Variants in AVEN observed in about 807,000 individuals in gnomAD.
The protein encoded by AVEN is cell death regulator Aven.
In AVEN, 41 loss-of-function variants were observed where a neutral mutation model predicts 38.1. That is an observed-to-expected ratio of 1.08 (90% CI 0.84 to 1.40). The LOEUF (loss-of-function observed/expected upper bound fraction) is 1.40, where lower values mean the gene tolerates loss of function less well. Among genes scored for constraint, AVEN ranks in the 40% most tolerant of loss-of-function variants. AVEN has a pLI of 0.00. For synonymous variants in AVEN, 206 were observed against 171.8 expected (o/e 1.20, Z -1.56); for missense variants, 605 against 438.8 (o/e 1.38, Z -3.38).
downstream of AVEN, chr15:33,864,103 C>G (rs1306278957): frequency 1.9e-6 from 3 of 1,539,468 alleles, no homozygotes; most frequent in African/African-American, 4.2e-5. Flanking sequence ...TGGGTCTTGA[C>G]CAGAGTATCT....
intron 2 of AVEN, among the ~76,000 whole-genome samples, chr15:33,901,995 G>A (rs903047947): frequency 1.3e-5 from 2 of 151,930 alleles, no homozygotes; most frequent in Non-Finnish European, 1.5e-5. Flanking sequence ...CTGGTTTTTT[G>A]TTTTGTTTGT....
At chr15:33,913,094 G>A (rs1211520871) in intron 2 of AVEN, among the ~76,000 whole-genome samples, 2 of 151,994 alleles carry the variant, frequency 1.3e-5, no homozygotes, top group South Asian at 4.2e-4. Flanking sequence ...TCTCCATGTT[G>A]GTCAGGCTGG....
chr15:33,892,665 CT>C (rs1485255901), intron 2 of AVEN, among the ~76,000 whole-genome samples: 1 of 151,984 alleles, frequency 6.6e-6, no homozygotes, highest in Non-Finnish European at 1.5e-5. Context: ...ATGCCTCCAG[CT>C]TTGTTCTTTT....
At chr15:33,876,433 G>A (rs1334028636) in intron 2 of AVEN, among the ~76,000 whole-genome samples, 2 of 142,366 alleles carry the variant, frequency 1.4e-5, no homozygotes, top group East Asian at 2.1e-4. Context: ...TTAGCTGGGC[G>A]TGGTGGCACG....
intron 2 of AVEN, among the ~76,000 whole-genome samples, chr15:33,897,779 G>C (rs918570857): frequency 3.3e-5 from 5 of 152,152 alleles, no homozygotes; most frequent in African/African-American, 1.2e-4. Context: ...CTACTTGAGA[G>C]GCTGAGGTAG....
At chr15:33,853,517 C>A in the AVEN span, 3 of 1,602,528 alleles carry the variant, frequency 1.9e-6, no homozygotes, top group African/African-American at 4.0e-5. Context: ...TTGGTGGTGG[C>A]GTGTGGCCTG....
exon 1 of AVEN, among the ~76,000 whole-genome samples, chr15:34,074,705 T>C (rs1900697273): frequency 6.6e-6 from 1 of 152,218 alleles, no homozygotes; most frequent in Non-Finnish European, 1.5e-5. Flanking sequence ...ATCTTACCTT[T>C]ATTACCTCCT....
chr15:33,931,495 A>C (rs1018882775), intron 2 of AVEN, among the ~76,000 whole-genome samples: 3 of 150,062 alleles, frequency 2.0e-5, no homozygotes, highest in Admixed American at 6.7e-5. Context: ...CTCAGCCTCC[A>C]GAGTTGCTGG....
intron 2 of AVEN, among the ~76,000 whole-genome samples, chr15:33,977,486 G>A (rs1242785327): frequency 6.6e-6 from 1 of 152,120 alleles, no homozygotes; most frequent in Non-Finnish European, 1.5e-5. Context: ...TTTGTTAGGA[G>A]GCTATGACAG....
At chr15:33,867,394 G>T in intron 5 of AVEN, 101 bp downstream of exon 5, 3 of 1,450,162 alleles carry the variant, frequency 2.1e-6, no homozygotes, top group Non-Finnish European at 2.8e-6. Flanking sequence ...CTGGATCAAT[G>T]TCAGACACCC....
downstream of AVEN, chr15:33,857,993 T>A: frequency 6.4e-7 from 1 of 1,566,862 alleles, no homozygotes; most frequent in Non-Finnish European, 8.7e-7. Context: ...GAAGAAGGGC[T>A]GTGTGGGGGT....
intron 4 of AVEN, among the ~76,000 whole-genome samples, chr15:33,869,361 G>A (rs1157858465): frequency 2.0e-5 from 3 of 152,134 alleles, no homozygotes; most frequent in African/African-American, 7.2e-5. Context: ...TTTAATGCCT[G>A]CCACTGACAT....
chr15:33,956,295 C>T (rs1334518883), intron 2 of AVEN, among the ~76,000 whole-genome samples: 2 of 152,212 alleles, frequency 1.3e-5, no homozygotes, highest in African/African-American at 4.8e-5. Context: ...TCCAATTCCC[C>T]TCAACTTGAA....
intron 2 of AVEN, among the ~76,000 whole-genome samples, chr15:33,905,130 CAAAAAAAAAAAAA>C (rs71117197): frequency 2.5e-5 from 3 of 121,290 alleles, no homozygotes; most frequent in African/African-American, 1.0e-4. Context: ...ACTCCGTCTC[CAAAAAAAAAAAAA>C]AAAAAAAAAA....
chr15:33,983,158 G>GTGTA (rs1373777751), intron 2 of AVEN, among the ~76,000 whole-genome samples: 58 of 136,324 alleles, frequency 4.3e-4, no homozygotes, highest in South Asian at 1.4e-3. Flanking sequence ...GTGTGTGTGT[G>GTGTA]TATGTGTGTG....
At chr15:33,855,175 G>T (rs182525503), downstream of AVEN, among the ~76,000 whole-genome samples, 4 of 152,024 alleles carry the variant, frequency 2.6e-5, no homozygotes, top group Non-Finnish European at 5.9e-5. Context: ...GGAGGGAGGT[G>T]ATGGACATGT....
intron 2 of AVEN, among the ~76,000 whole-genome samples, chr15:33,902,845 CTTAA>C (rs61345216): frequency 0.28 from 41,809 of 151,870 alleles, 5,984 homozygotes; most frequent in East Asian, 0.39. Context: ...AATTCTGTAG[CTTAA>C]TTAAACTAAT....
intron 2 of AVEN, among the ~76,000 whole-genome samples, chr15:33,912,321 A>G (rs1363852844): frequency 2.0e-4 from 31 of 152,228 alleles, no homozygotes; most frequent in Admixed American, 1.9e-3. Context: ...AAGGCATCCT[A>G]TGCAATATGG....
chr15:34,064,079 A>G (rs1211796927), intron 4 of AVEN: 1 of 1,614,172 alleles, frequency 6.2e-7, no homozygotes, highest in South Asian at 1.1e-5. Flanking sequence ...TCATCATCAC[A>G]TGGACCCCGT....
Sources: gnomAD v4.1 joint callset for allele counts (sites outside exome capture counted in the v4.1 genomes callset) on GRCh38, gnomAD v4.1.1 for gene constraint, MANE v1.5 for transcripts, NCBI Gene and HGNC (gene_info 2026-07-23, HGNC 2026-07-21) for gene names.